KTN1: variants seen among roughly 807,000 people sequenced by gnomAD.
KTN1 encodes kinectin.
A neutral mutation model predicts 222.5 loss-of-function variants in KTN1; 130 were observed. The observed-to-expected ratio is 0.58, with a 90% CI of 0.51 to 0.68. KTN1 has a LOEUF of 0.68. KTN1 is among the 30% of genes least tolerant of loss of function. KTN1 has a pLI of 0.00. For missense variants in KTN1, 1,508 were observed against 1,500.4 expected, an observed-to-expected ratio of 1.01 and a Z score of -0.08; for synonymous variants, 512 against 496.3, an observed-to-expected ratio of 1.03 and a Z score of -0.42.
At chr14:55,665,523 T>C (rs1446705946) in intron 33 of KTN1, among the ~76,000 whole-genome samples, 1 of 152,066 alleles carries the variant, frequency 6.6e-6, no homozygotes, top group Non-Finnish European at 1.5e-5. Context: ...AAAGGGATGT[T>C]GATTGACCCA....
At chr14:55,651,695 C>T (rs1259730818) in intron 24 of KTN1, 195 bp from the exon 25 acceptor site, 2 of 535,296 alleles carry the variant, frequency 3.7e-6, no homozygotes, top group African/African-American at 3.9e-5. Context: ...GTCCCTCCCC[C>T]TTATTATTTT....
intron 24 of KTN1, chr14:55,651,645 A>T: frequency 2.1e-6 from 1 of 471,120 alleles, no homozygotes; most frequent in Non-Finnish European, 3.8e-6. Context: ...GAAAAAAAGC[A>T]TCACATTAGT....
At chr14:55,613,325 G>A (rs2037868847) in intron 2 of KTN1, among the ~76,000 whole-genome samples, 1 of 152,022 alleles carries the variant, frequency 6.6e-6, no homozygotes, top group Non-Finnish European at 1.5e-5. Context: ...TGGGTGGATG[G>A]GGAGGGGAGG....
intron 19 of KTN1, among the ~76,000 whole-genome samples, chr14:55,647,777 T>C (rs1375535835): frequency 6.7e-6 from 1 of 149,610 alleles, no homozygotes; most frequent in East Asian, 2.0e-4. Context: ...ACCCCATCTC[T>C]ACTAAAAATA....
chr14:55,595,066 C>T (rs78261053), intron 1 of KTN1, among the ~76,000 whole-genome samples: 9,220 of 152,232 alleles, frequency 0.061, 383 homozygotes, highest in South Asian at 0.09. Flanking sequence ...GCAGAAAAGA[C>T]GGAGTTGTAG....
chr14:55,593,459 A>C (rs937880971), intron 1 of KTN1, among the ~76,000 whole-genome samples: 6 of 141,854 alleles, frequency 4.2e-5, no homozygotes, highest in Middle Eastern at 3.5e-3. Flanking sequence ...AAAAAAAAAA[A>C]GAAAACTTGT....
rs1461300761 is a variant in KTN1, at chr14:55,684,208, A to C, written c.*105A>C. 7.0e-6 allele frequency: 6 copies of C among 856,182 alleles called. No homozygotes were observed. The highest frequency in any genetic ancestry group is 6.9e-5 in the African/African-American group (4 of 58,048). The allele number at this position is 856,182 out of a possible 1,614,324, so 53.0% of individuals were successfully genotyped here. On this transcript the variant is annotated 3_prime_UTR_variant, in exon 44 of 44. Coordinates refer to ENST00000395314, the MANE Select transcript of KTN1 (RefSeq NM_001079521.2). ...TCACCCTTTCTACTTTGTCAGAAAC[A>C]CTGAACAGAGTTTTGTCTTTTCTAA...
chr14:55,641,860 T>G (rs975288030), intron 18 of KTN1, 100 bp downstream of exon 18: 2 of 773,316 alleles, frequency 2.6e-6, no homozygotes, highest in Non-Finnish European at 4.5e-6. Flanking sequence ...AAATTTTGCT[T>G]AAGCTTAGAT....
At chr14:55,665,580 T>C (rs2044641291) in intron 33 of KTN1, among the ~76,000 whole-genome samples, 1 of 152,026 alleles carries the variant, frequency 6.6e-6, no homozygotes, top group Admixed American at 6.6e-5. Flanking sequence ...TGAAACACTT[T>C]TAGTATTTTA....
At position 55,608,402 on chromosome 14, in the gene KTN1, C is replaced by G. The variant is rs898104731; in HGVS notation, c.-30-3617C>G. Among the ~76,000 whole-genome samples, 13 of 152,158 alleles carry G rather than the reference C, an allele frequency of 8.5e-5. 1 individual carries two copies. Among genetic ancestry groups the G allele is most frequent in the South Asian group, 8.3e-4 (4 of 4,814 alleles). On this transcript the variant is annotated intron_variant, in intron 1 of 43. Coordinates refer to ENST00000395314, the MANE Select transcript of KTN1 (RefSeq NM_001079521.2). The stretch of plus-strand genomic sequence containing the variant: ...AGTATTAAGGCAAATGAGACTGTCC[C>G]CATGATTCTGGCACAACTCCTTAGT...
At position 55,639,990 on chromosome 14, in the gene KTN1, A is replaced by T. The variant is rs200715174; in HGVS notation, c.1901A>T (p.Glu634Val). The change falls in exon 14 of 44, where the codon GAA (glutamate) becomes GTA (valine). Residue 634 changes from glutamate to valine, a missense_variant. Coordinates refer to ENST00000395314, the MANE Select transcript of KTN1 (RefSeq NM_001079521.2). ...GAACGTGATCGTTTAACAAGTAAAGAAGAGGAACTTAAGGTATAGTAATTT... is the reference window on the plus strand; with the variant it reads ...GAACGTGATCGTTTAACAAGTAAAGTAGAGGAACTTAAGGTATAGTAATTT... ...ASERDRLTSK[E>V]EELKDIQNMN... 2 of 1,592,828 alleles carry T rather than the reference A, an allele frequency of 1.3e-6. No homozygotes were observed. The highest frequency in any genetic ancestry group is 2.2e-5 in the East Asian group (1 of 44,614).
At chr14:55,624,976 T>C (rs2039619797) in intron 5 of KTN1, among the ~76,000 whole-genome samples, 1 of 151,942 alleles carries the variant, frequency 6.6e-6, no homozygotes, top group Non-Finnish European at 1.5e-5. Context: ...TAAGCTTAGG[T>C]GGGAAGGGGA....
intron 34 of KTN1, among the ~76,000 whole-genome samples, chr14:55,669,099 T>G (rs2141292365): frequency 6.6e-6 from 1 of 152,192 alleles, no homozygotes; most frequent in Non-Finnish European, 1.5e-5. Context: ...CTGTTTTTGT[T>G]TCTACTTTAT....
At position 55,643,642 on chromosome 14, in the gene KTN1, C is replaced by T. The variant is rs573222226; in HGVS notation, c.2172+1882C>T. Among the ~76,000 whole-genome samples the T allele has an allele frequency of 4.6e-5, 7 of 152,256 alleles. No homozygotes were observed. The South Asian group carries it at 1.5e-3, about 32-fold the overall frequency. On this transcript the variant is annotated intron_variant, in intron 18 of 43. Coordinates refer to ENST00000395314, the MANE Select transcript of KTN1 (RefSeq NM_001079521.2). The stretch of plus-strand genomic sequence containing the variant: ...TAGTAGTATCCAGGTGCTGGCGACT[C>T]TTATTTAAACAGAAAACTTCTGTTC...
rs1566799327 is a variant in KTN1 at position 55,650,635 on chromosome 14, CA to C, written c.2564del (p.Gln855ArgfsTer15). The C allele has an allele frequency of 6.2e-7, 1 of 1,603,718 alleles. No homozygotes were observed. Among genetic ancestry groups the C allele is most frequent in the Admixed American group, 1.7e-5 (1 of 59,900 alleles). On this transcript the variant is annotated frameshift_variant and splice_region_variant, in exon 24 of 44. Coordinates refer to ENST00000395314, the MANE Select transcript of KTN1 (RefSeq NM_001079521.2). LOFTEE classifies it high-confidence loss of function. The part of the protein sequence containing the change: ...IGNVQLEKAQ[Q>X]LSITSKVQEL... ...AAATGTCCAGCTTGAAAAGGCTCAA[CA>C]GGTAAAAATCCCAGAGCCATAGCAT... is the stretch of plus-strand genomic sequence containing the variant.
chr14:55,618,753 C>G (rs1177251240), intron 4 of KTN1, among the ~76,000 whole-genome samples: 4 of 152,192 alleles, frequency 2.6e-5, no homozygotes, highest in Admixed American at 6.5e-5. Context: ...TTACAATTAT[C>G]TTAGAACTTA....
intron 25 of KTN1, among the ~76,000 whole-genome samples, chr14:55,652,604 T>A (rs2043044270): frequency 6.6e-6 from 1 of 152,158 alleles, no homozygotes; most frequent in African/African-American, 2.4e-5. Context: ...TTTCACCGTG[T>A]TAGCCAGGAT....
chr14:55,654,330 A>G (rs562271086), intron 28 of KTN1, among the ~76,000 whole-genome samples: 19 of 142,968 alleles, frequency 1.3e-4, no homozygotes, highest in African/African-American at 4.8e-4. Context: ...GATATTTATT[A>G]GGTTATTATC....
At chr14:55,641,554 T>TA (rs909415364) in intron 17 of KTN1, 138 bp from the exon 18 acceptor site, 7 of 696,888 alleles carry the variant, frequency 1.0e-5, no homozygotes, top group African/African-American at 5.4e-5. Flanking sequence ...AAATTTGAAT[T>TA]ATGTCAGTGT....
Sources: allele counts gnomAD v4.1 joint callset (sites outside exome capture counted in the v4.1 genomes callset), GRCh38; gene constraint gnomAD v4.1.1; transcripts MANE v1.5; gene names NCBI Gene and HGNC (gene_info 2026-07-23, HGNC 2026-07-21).